BBS2: variants seen among roughly 807,000 people sequenced by gnomAD.
The protein encoded by BBS2 is BBSome complex member BBS2.
A neutral mutation model predicts 83.0 loss-of-function variants in BBS2; 62 were observed. That is an observed-to-expected ratio of 0.75 (90% confidence interval 0.61 to 0.92). BBS2 has a LOEUF of 0.92. BBS2 is among the 40% of genes least tolerant of loss of function. BBS2 has a pLI of 0.00. For missense variants in BBS2, 784 were observed against 901.0 expected, an observed-to-expected ratio of 0.87 and a Z score of 1.66; for synonymous variants, 303 against 326.1, an observed-to-expected ratio of 0.93 and a Z score of 0.76.
intron 15 of BBS2, among the ~76,000 whole-genome samples, chr16:56,489,559 G>A (rs368570356): frequency 1.3e-5 from 2 of 152,152 alleles, no homozygotes. Context: ...CACTTTGGGA[G>A]GCCGAGGTTG....
At chr16:56,475,566 G>C (rs1282067093) in intron 17 of BBS2, 2 of 1,613,356 alleles carry the variant, frequency 1.2e-6, no homozygotes, top group Non-Finnish European at 1.7e-6. Context: ...AGATGAAGAG[G>C]TAAGTTTCTT....
At chr16:56,513,789 G>A (rs748112723) in intron 2 of BBS2, among the ~76,000 whole-genome samples, 12 of 152,052 alleles carry the variant, frequency 7.9e-5, no homozygotes, top group Non-Finnish European at 1.6e-4. Context: ...ACAGCTCTCT[G>A]GATACACTAA....
chr16:56,519,691 G>A, intron 1 of BBS2, 55 bp downstream of exon 1: 1 of 1,433,660 alleles, frequency 7.0e-7, no homozygotes, highest in Non-Finnish European at 9.8e-7. Flanking sequence ...GGCGCGGCCG[G>A]CGGAGATCCT....
intron 1 of BBS2, chr16:56,519,478 C>T: frequency 2.1e-6 from 1 of 477,732 alleles, no homozygotes; most frequent in Non-Finnish European, 3.8e-6. Flanking sequence ...CAGGAGACGT[C>T]TCTTTTCTAA....
downstream of BBS2, among the ~76,000 whole-genome samples, chr16:56,483,876 T>G (rs774808539): frequency 8.6e-4 from 130 of 151,954 alleles, no homozygotes; most frequent in Non-Finnish European, 2.8e-4. Context: ...ATTTTTTGTA[T>G]TTTTAGTAGA....
downstream of BBS2, among the ~76,000 whole-genome samples, chr16:56,482,345 G>A (rs183713405): frequency 7.0e-4 from 106 of 152,096 alleles, 2 homozygotes; most frequent in African/African-American, 2.3e-3. Context: ...CCTCCTCTGT[G>A]AGGCACATTT....
Position 56,470,797 on chromosome 16 carries a change from CTGT to C in BBS2, c.*1-105_*1-103del. 2.5e-6 allele frequency: 4 copies of C among 1,577,052 alleles called. No individual in the cohort carries two copies. The South Asian group carries it at 3.5e-5, about 14-fold the overall frequency. On this transcript the variant is annotated intron_variant, in intron 17 of 17. Transcript: ENST00000682047. ...GGAAAATGAAACAAAGAAAGGTAAG[CTGT>C]TGTTAGGATTTGTCCTTACTTACCA...
chr16:56,505,784 A>G (rs1362744011), intron 7 of BBS2, among the ~76,000 whole-genome samples, 166 bp downstream of exon 7: 1 of 152,208 alleles, frequency 6.6e-6, no homozygotes, highest in Non-Finnish European at 1.5e-5. Context: ...GCTCTTGACA[A>G]TGATAGCAGG....
At chr16:56,513,506 T>C (rs1964638867) in intron 2 of BBS2, among the ~76,000 whole-genome samples, 2 of 152,216 alleles carry the variant, frequency 1.3e-5, no homozygotes, top group South Asian at 4.1e-4. Context: ...TGGAATATTA[T>C]TCAGCCATAA....
At chr16:56,479,461 G>A (rs1414304985), downstream of BBS2, among the ~76,000 whole-genome samples, 1 of 152,168 alleles carries the variant, frequency 6.6e-6, no homozygotes, top group Non-Finnish European at 1.5e-5. Flanking sequence ...CTGGGCAACA[G>A]AACAAGAATC....
intron 1 of BBS2, 140 bp from the exon 2 acceptor site, chr16:56,514,820 G>A (rs1320517226): frequency 1.2e-5 from 8 of 666,252 alleles, no homozygotes; most frequent in African/African-American, 7.3e-5. Flanking sequence ...TAAAACACTC[G>A]TACATAGTTC....
In BBS2 at chr16:56,500,960, G is replaced by A. The variant is rs1964252901; in HGVS notation, c.1291C>T (p.His431Tyr). 1 of 1,614,028 alleles carries A rather than the reference G, an allele frequency of 6.2e-7. No individual in the cohort carries two copies. Among genetic ancestry groups the A allele is most frequent in the African/African-American group, 1.3e-5 (1 of 74,926 alleles). Residue 431 changes from histidine to tyrosine, a missense_variant, in exon 11 of 17, where the codon CAT becomes TAT. Coordinates refer to ENST00000245157, the MANE Select transcript of BBS2 (RefSeq NM_031885.5). The part of the protein sequence containing the change: ...GIFTGESHVV[H>Y]PSIHNLSSSI... ...CTGGAGAGGTTGTGAATGCTGGGAT[G>A]TACCACGTGGCTTTCACCTGTAAAA...
At chr16:56,517,262 A>G (rs570865330) in intron 1 of BBS2, among the ~76,000 whole-genome samples, 4 of 152,312 alleles carry the variant, frequency 2.6e-5, no homozygotes, top group Non-Finnish European at 5.9e-5. Flanking sequence ...TAACTTACTC[A>G]GTATAAAAAC....
At chr16:56,511,584 G>C (rs1247987348) in intron 2 of BBS2, among the ~76,000 whole-genome samples, 1 of 152,148 alleles carries the variant, frequency 6.6e-6, no homozygotes, top group Non-Finnish European at 1.5e-5. Context: ...CTTTGTACTT[G>C]AGCTTCAACA....
chr16:56,470,410 C>G (rs1333303516), downstream of BBS2: 1 of 1,313,252 alleles, frequency 7.6e-7, no homozygotes, highest in Non-Finnish European at 1.1e-6. Context: ...AGGTACAAAG[C>G]TAACGATCAG....
intron 17 of BBS2, chr16:56,474,888 T>C (rs757281633): frequency 6.2e-7 from 1 of 1,613,444 alleles, no homozygotes; most frequent in Non-Finnish European, 8.5e-7. Flanking sequence ...CACTACACTT[T>C]AATTCATGAC....
At chr16:56,481,501 T>TAA (rs1268852210), downstream of BBS2, among the ~76,000 whole-genome samples, 6 of 152,140 alleles carry the variant, frequency 3.9e-5, no homozygotes, top group African/African-American at 1.2e-4. Flanking sequence ...ATTATACTCT[T>TAA]AAAAATCCTC....
At chr16:56,478,482 A>G (rs1359962226) in intron 17 of BBS2, 1 of 152,318 alleles carries the variant, frequency 6.6e-6, no homozygotes, top group East Asian at 1.9e-4. Context: ...CCAGCTGACT[A>G]AAGGTCATCT....
chr16:56,488,023 G>A (rs557376207), intron 15 of BBS2, among the ~76,000 whole-genome samples: 75 of 152,252 alleles, frequency 4.9e-4, no homozygotes, highest in Middle Eastern at 3.4e-3. Flanking sequence ...CATTATGAAC[G>A]TATTTAATGC....
Sources: gnomAD v4.1 joint callset for allele counts (sites outside exome capture counted in the v4.1 genomes callset) on GRCh38, gnomAD v4.1.1 for gene constraint, MANE v1.5 for transcripts, NCBI Gene and HGNC (gene_info 2026-07-23, HGNC 2026-07-21) for gene names.